Variants in LARGE1 observed in about 807,000 individuals in gnomAD.
The protein encoded by LARGE1 is LARGE xylosyl- and glucuronyltransferase 1, also known as xylosyl- and glucuronyltransferase LARGE1.
LARGE1 carries 43 observed loss-of-function variants against 87.6 expected under a neutral mutation model. The observed-to-expected ratio is 0.49, with a 90% confidence interval of 0.38 to 0.63. The LOEUF is 0.63. Among genes scored for constraint, LARGE1 ranks in the 30% least tolerant of loss-of-function variants. LARGE1 has a pLI of 0.00. For missense variants in LARGE1, 802 were observed against 1,000.2 expected, an observed-to-expected ratio of 0.80 and a Z score of 2.67; for synonymous variants, 434 against 394.6, an observed-to-expected ratio of 1.10 and a Z score of -1.18.
At position 33,424,825 on chromosome 22, in the gene LARGE1, C is replaced by T. The variant is rs143159320; in HGVS notation, c.892+7336G>A. ...CGCCACTGTACTCCAGCCTGACTGACAGAGCAAGACCCTATCTCAAAAAAT... is the reference window on the plus strand; with the variant it reads ...CGCCACTGTACTCCAGCCTGACTGATAGAGCAAGACCCTATCTCAAAAAAT... On this transcript the variant is annotated intron_variant, in intron 7 of 14. Coordinates refer to ENST00000397394, the MANE Select transcript of LARGE1 (RefSeq NM_133642.5). 2.4e-3 allele frequency among the ~76,000 whole-genome samples: 365 copies of T among 152,058 alleles called. 3 individuals carry two copies. Among genetic ancestry groups the T allele is most frequent in the African/African-American group, 8.5e-3 (351 of 41,490 alleles).
chr22:33,546,384 A>G (rs1602357829), intron 6 of LARGE1, among the ~76,000 whole-genome samples: 1 of 150,310 alleles, frequency 6.7e-6, no homozygotes, highest in East Asian at 2.0e-4. Flanking sequence ...CCAGCCAATC[A>G]ACAAGGACCG....
chr22:33,483,873 C>CA (rs1006342912), intron 6 of LARGE1, among the ~76,000 whole-genome samples: 4 of 152,126 alleles, frequency 2.6e-5, no homozygotes, highest in South Asian at 4.1e-4. Context: ...CCCTGTTCCC[C>CA]ATGCATCTCA....
intron 1 of LARGE1, among the ~76,000 whole-genome samples, chr22:33,780,982 T>C (rs144085762): frequency 1.9e-4 from 29 of 152,362 alleles, no homozygotes; most frequent in African/African-American, 6.7e-4. Flanking sequence ...ATAACTGCGA[T>C]AGCGCACAAA....
intron 10 of LARGE1, among the ~76,000 whole-genome samples, chr22:33,318,583 A>G (rs1936406244): frequency 6.6e-6 from 1 of 151,686 alleles, no homozygotes; most frequent in Non-Finnish European, 1.5e-5. Context: ...AACATCACAC[A>G]CCGGGGCCTG....
At chr22:33,537,707 C>T (rs372170486) in intron 6 of LARGE1, among the ~76,000 whole-genome samples, 13 of 152,162 alleles carry the variant, frequency 8.5e-5, no homozygotes, top group East Asian at 1.9e-4. Flanking sequence ...GCCGGGACTA[C>T]AGGCACATGC....
intron 9 of LARGE1, among the ~76,000 whole-genome samples, chr22:33,350,971 T>C (rs969964069): frequency 6.6e-6 from 1 of 152,200 alleles, no homozygotes; most frequent in African/African-American, 2.4e-5. Context: ...TCTCTTCAAT[T>C]TGGGTTCATG....
intron 1 of LARGE1, among the ~76,000 whole-genome samples, chr22:33,872,469 T>C (rs1273481282): frequency 6.6e-6 from 1 of 151,744 alleles, no homozygotes; most frequent in Non-Finnish European, 1.5e-5. Context: ...CTGCTATCCA[T>C]CGTCATCACC....
intron 7 of LARGE1, among the ~76,000 whole-genome samples, chr22:33,422,153 A>G (rs1391670489): frequency 6.6e-6 from 1 of 152,222 alleles, no homozygotes; most frequent in Non-Finnish European, 1.5e-5. Context: ...TTCGACTTTC[A>G]AAGCAGGCAG....
the LARGE1 span, among the ~76,000 whole-genome samples, chr22:33,147,201 A>C: frequency 6.6e-6 from 1 of 152,222 alleles, no homozygotes; most frequent in African/African-American, 2.4e-5. Flanking sequence ...TAAATAAAGC[A>C]GTTATATACA....
At chr22:33,498,640 T>C (rs1315313230) in intron 6 of LARGE1, among the ~76,000 whole-genome samples, 1 of 152,134 alleles carries the variant, frequency 6.6e-6, no homozygotes, top group African/African-American at 2.4e-5. Flanking sequence ...GTAAATAAGA[T>C]AAGTACTAAC....
At chr22:33,071,960 G>A in the LARGE1 span, among the ~76,000 whole-genome samples, 25 of 152,264 alleles carry the variant, frequency 1.6e-4, no homozygotes, top group South Asian at 6.2e-4. Context: ...CTACCCGGCC[G>A]TTTCTGATCT....
At chr22:33,742,789 T>A (rs2083935740) in intron 2 of LARGE1, among the ~76,000 whole-genome samples, 1 of 152,224 alleles carries the variant, frequency 6.6e-6, no homozygotes, top group South Asian at 2.1e-4. Context: ...AATGTCTTTT[T>A]TTAATTTTCC....
intron 6 of LARGE1, among the ~76,000 whole-genome samples, chr22:33,533,144 G>T (rs1043287872): frequency 1.3e-5 from 2 of 152,182 alleles, no homozygotes; most frequent in Non-Finnish European, 2.9e-5. Flanking sequence ...CATACAAAGG[G>T]CCAGCCACTA....
intron 5 of LARGE1, among the ~76,000 whole-genome samples, chr22:33,576,222 G>A (rs960718519): frequency 6.6e-6 from 1 of 152,196 alleles, no homozygotes; most frequent in Non-Finnish European, 1.5e-5. Context: ...TTTTGAAAAA[G>A]TGAAACAATG....
At chr22:33,378,987 T>C (rs1236144285) in intron 9 of LARGE1, among the ~76,000 whole-genome samples, 2 of 152,068 alleles carry the variant, frequency 1.3e-5, no homozygotes, top group African/African-American at 4.8e-5. Flanking sequence ...AGGCAAAATA[T>C]GGGGGTGTGG....
At chr22:33,430,611 G>A (rs1294737546) in intron 7 of LARGE1, among the ~76,000 whole-genome samples, 1 of 152,212 alleles carries the variant, frequency 6.6e-6, no homozygotes, top group East Asian at 1.9e-4. Flanking sequence ...CATAGAGCAA[G>A]GCATATCTAA....
At chr22:33,832,528 C>A (rs1297317758) in intron 1 of LARGE1, among the ~76,000 whole-genome samples, 1 of 152,192 alleles carries the variant, frequency 6.6e-6, no homozygotes, top group Non-Finnish European at 1.5e-5. Context: ...CCAGGCTTCA[C>A]GCAAGCTGTG....
intron 5 of LARGE1, among the ~76,000 whole-genome samples, chr22:33,585,914 G>T (rs1478016873): frequency 1.3e-5 from 2 of 152,326 alleles, no homozygotes; most frequent in East Asian, 3.9e-4. Context: ...GGCCAGGCTG[G>T]TCTCAAACTC....
intron 1 of LARGE1, among the ~76,000 whole-genome samples, chr22:33,849,602 T>C (rs1448491315): frequency 1.4e-5 from 2 of 138,398 alleles, no homozygotes; most frequent in Admixed American, 7.1e-5. Context: ...CTTTTTTTTT[T>C]TTTTTTTTTT....
Sources: gnomAD v4.1 joint callset for allele counts (sites outside exome capture counted in the v4.1 genomes callset) on GRCh38, gnomAD v4.1.1 for gene constraint, MANE v1.5 for transcripts, NCBI Gene and HGNC (gene_info 2026-07-23, HGNC 2026-07-21) for gene names.